Variants in GTF2A1L observed in about 807,000 individuals in gnomAD.
GTF2A1L encodes general transcription factor IIA subunit 1 like, also known as TFIIA-alpha and beta-like factor.
Under a neutral mutation model 49.7 loss-of-function variants are expected in GTF2A1L, and 48 were observed. That is an observed-to-expected ratio of 0.97 (90% CI 0.77 to 1.23). The LOEUF is 1.23. Among genes scored for constraint, GTF2A1L ranks in the 50% most tolerant of loss-of-function variants. The probability of loss-of-function intolerance (pLI) is 0.00; values close to 1 mark genes in which losing one functional copy is unlikely to be tolerated. For missense variants in GTF2A1L, 736 were observed against 564.8 expected, an observed-to-expected ratio of 1.30 and a Z score of -3.07; for synonymous variants, 246 against 193.5, an observed-to-expected ratio of 1.27 and a Z score of -2.25.
chr2:48,619,494 A>AT (rs1010770450), intron 1 of GTF2A1L, among the ~76,000 whole-genome samples: 1 of 151,310 alleles, frequency 6.6e-6, no homozygotes, highest in Non-Finnish European at 1.5e-5. Flanking sequence ...AATAATAATA[A>AT]TAAAAAAAAA....
chr2:48,646,471 A>T lies in GTF2A1L; in HGVS notation c.407A>T (p.Asn136Ile), dbSNP rs147234215. Residue 136 changes from asparagine to isoleucine, a missense_variant, in exon 6 of 9, where the codon AAT becomes ATT. Physicochemically the swap from Asn to Ile is moderately radical, Grantham distance 149 (BLOSUM62 -3). Coordinates refer to ENST00000403751, the MANE Select transcript of GTF2A1L (RefSeq NM_006872.5). ...TTTTAAGGTCACCTTTATAAAGTCA[A>T]TGTACCAATTATGGTGACAGAGACT... Reference protein sequence around the residue: ...QTVSGHLYKVNVPIMVTETSG... With the variant: ...QTVSGHLYKVIVPIMVTETSG... 43 of 1,608,826 alleles carry T rather than the reference A, an allele frequency of 2.7e-5. No homozygotes were observed. The African/African-American group carries it at 3.9e-4, about 15-fold the overall frequency.
intron 6 of GTF2A1L, among the ~76,000 whole-genome samples, chr2:48,661,321 T>TCTC (rs1678488420): frequency 8.1e-6 from 1 of 122,964 alleles, no homozygotes; most frequent in Non-Finnish European, 1.6e-5. Context: ...AGTGGCACAA[T>TCTC]CTCCGCTCAC....
intron 6 of GTF2A1L, among the ~76,000 whole-genome samples, chr2:48,659,049 G>C (rs1678341239): frequency 6.6e-6 from 1 of 152,146 alleles, no homozygotes; most frequent in African/African-American, 2.4e-5. Context: ...TTTCTGCTGA[G>C]AAGTCTGCTG....
At chr2:48,672,949 C>T (rs572081379) in intron 8 of GTF2A1L, among the ~76,000 whole-genome samples, 2 of 152,234 alleles carry the variant, frequency 1.3e-5, no homozygotes, top group Admixed American at 1.3e-4. Context: ...CCCCATTTTC[C>T]CTACTCCAAG....
intron 3 of GTF2A1L, among the ~76,000 whole-genome samples, chr2:48,633,898 T>TC (rs1676731330): frequency 9.4e-4 from 3 of 3,182 alleles, no homozygotes; most frequent in Non-Finnish European, 3.9e-3. Context: ...GCCTTCTTTG[T>TC]TTTTTATTGT....
chr2:48,648,755 A>G (rs1313682554), intron 6 of GTF2A1L, among the ~76,000 whole-genome samples: 2 of 152,126 alleles, frequency 1.3e-5, no homozygotes, highest in Admixed American at 6.5e-5. Context: ...CTTGTAATAT[A>G]TTGGGTAACT....
chr2:48,664,028 A>AT (rs1678670555), intron 6 of GTF2A1L, among the ~76,000 whole-genome samples: 3 of 152,248 alleles, frequency 2.0e-5, no homozygotes, highest in Admixed American at 2.0e-4. Flanking sequence ...CCACTTAATA[A>AT]TTTTAGTAGT....
At chr2:48,646,238 C>T (rs1012408460) in intron 5 of GTF2A1L, among the ~76,000 whole-genome samples, 3 of 151,636 alleles carry the variant, frequency 2.0e-5, no homozygotes, top group African/African-American at 7.3e-5. Context: ...TAAAGCAAAA[C>T]ATATGTAATT....
At chr2:48,671,869 A>T (rs1679187877) in intron 8 of GTF2A1L, among the ~76,000 whole-genome samples, 189 bp downstream of exon 8, 1 of 152,244 alleles carries the variant, frequency 6.6e-6, no homozygotes, top group South Asian at 2.1e-4. Context: ...ATACCAGAAA[A>T]AGTGACAGTC....
chr2:48,666,969 G>C (rs1390783926), intron 6 of GTF2A1L, among the ~76,000 whole-genome samples: 3 of 151,710 alleles, frequency 2.0e-5, no homozygotes, highest in Non-Finnish European at 4.4e-5. Flanking sequence ...CTTTTAGTTT[G>C]TATTATTATT....
At chr2:48,652,979 C>T (rs1252824292) in intron 6 of GTF2A1L, among the ~76,000 whole-genome samples, 1 of 151,854 alleles carries the variant, frequency 6.6e-6, no homozygotes, top group Non-Finnish European at 1.5e-5. Flanking sequence ...CCTGTAATCC[C>T]AGCACTTTGG....
At chr2:48,673,699 A>G (rs1179634016) in intron 8 of GTF2A1L, among the ~76,000 whole-genome samples, 1 of 152,028 alleles carries the variant, frequency 6.6e-6, no homozygotes, top group Non-Finnish European at 1.5e-5. Context: ...AGGGAAAACT[A>G]TTTTTCTGGA....
intron 8 of GTF2A1L, among the ~76,000 whole-genome samples, chr2:48,679,009 G>A (rs1679618775): frequency 6.6e-6 from 1 of 151,016 alleles, no homozygotes; most frequent in Non-Finnish European, 1.5e-5. Flanking sequence ...TTATGTATTA[G>A]GTTTCTGTCC....
At chr2:48,655,737 A>T (rs2104246647) in intron 6 of GTF2A1L, among the ~76,000 whole-genome samples, 1 of 152,288 alleles carries the variant, frequency 6.6e-6, no homozygotes, top group African/African-American at 2.4e-5. Context: ...TTTTAACTGT[A>T]TAGCTTAGTG....
Position 48,646,584 on chromosome 2 carries a change from C to A in GTF2A1L, c.520C>A (p.Gln174Lys). 1 of 1,614,112 alleles carries A rather than the reference C, an allele frequency of 6.2e-7. No homozygotes were observed. The highest frequency in any genetic ancestry group is 8.5e-7 in the Non-Finnish European group (1 of 1,180,022). Residue 174 changes from glutamine to lysine, a missense_variant, in exon 6 of 9, where the codon CAA becomes AAA. Coordinates refer to ENST00000403751, the MANE Select transcript of GTF2A1L (RefSeq NM_006872.5). ...TTCAGTAATACAAACTAGTGTTCCA[C>A]AATTGAATCCATGGTCTCTTCAAGC... ...QPSVIQTSVP[Q>K]LNPWSLQATT... is the part of the protein sequence containing the mutation.
intron 3 of GTF2A1L, among the ~76,000 whole-genome samples, chr2:48,637,535 A>G (rs1285828114): frequency 6.6e-6 from 1 of 152,166 alleles, no homozygotes; most frequent in Non-Finnish European, 1.5e-5. Context: ...GAGATCTCAA[A>G]TTAAGAACGT....
intron 3 of GTF2A1L, among the ~76,000 whole-genome samples, chr2:48,623,091 T>G (rs10495955): frequency 0.31 from 47,103 of 151,966 alleles, 7,495 homozygotes; most frequent in African/African-American, 0.33. Context: ...TTCAGAGGAA[T>G]TACATGTATC....
In GTF2A1L at chr2:48,645,117, G is replaced by T; in HGVS notation, c.388G>T (p.Gly130Cys). The T allele has an allele frequency of 6.3e-7, 1 of 1,598,214 alleles. No homozygotes were observed. Among genetic ancestry groups the T allele is most frequent in the Non-Finnish European group, 8.5e-7 (1 of 1,175,058 alleles). Residue 130 changes from glycine to cysteine, a missense_variant and splice_region_variant, in exon 5 of 9, where the codon GGT (glycine) becomes TGT (cysteine). Transcript: ENST00000403751. ...AGGTGTGACACTACAGACTGTATCT[G>T]GTGAGAGTATATTCTAAGAATCTTT... ...PAGVTLQTVS[G>C]HLYKVNVPIM...
At chr2:48,648,578 G>T (rs1008238496) in intron 6 of GTF2A1L, among the ~76,000 whole-genome samples, 2 of 152,208 alleles carry the variant, frequency 1.3e-5, no homozygotes, top group Non-Finnish European at 2.9e-5. Context: ...TTCACTACTT[G>T]CAAGCAAACT....
Sources: allele counts gnomAD v4.1 joint callset (sites outside exome capture counted in the v4.1 genomes callset), GRCh38; gene constraint gnomAD v4.1.1; transcripts MANE v1.5; gene names NCBI Gene and HGNC (gene_info 2026-07-23, HGNC 2026-07-21).